Variants in RABGAP1 observed in about 807,000 individuals in gnomAD.
RABGAP1 encodes rab GTPase-activating protein 1.
In RABGAP1, 23 loss-of-function variants were observed where a neutral mutation model predicts 137.6. The observed-to-expected ratio is 0.17, with a 90% CI of 0.12 to 0.24. RABGAP1 has a LOEUF of 0.24. RABGAP1 is among the 10% of genes least tolerant of loss of function. The pLI is 1.00. For missense variants in RABGAP1, 906 were observed against 1,275.8 expected (o/e 0.71, Z 4.42); for synonymous variants, 451 against 450.7 (o/e 1.00, Z -0.01).
chr9:123,104,041 C>G lies in RABGAP1; in HGVS notation c.*828C>G, dbSNP rs1294260240. On this transcript the variant is annotated 3_prime_UTR_variant, in exon 26 of 26. Transcript: ENST00000373647. The stretch of plus-strand genomic sequence containing the variant: ...TATCTTTCCCAATATGCCCCGTTGA[C>G]AGTGTTTAAATTCCAGACTAGGACT... 2.7e-5 allele frequency: 4 copies of G among 150,758 alleles called. No individual in the cohort carries two copies. The highest frequency in any genetic ancestry group is 9.8e-5 in the African/African-American group (4 of 40,644). 9.3% of individuals were successfully genotyped at this position (150,758 alleles called of 1,614,324 possible). A position where few individuals can be genotyped will look rare whatever the true frequency, so the allele number is the denominator to read the frequency against.
In RABGAP1 at chr9:122,941,477, C is replaced by A. The variant is rs572453370; in HGVS notation, c.-50+384C>A. On this transcript the variant is annotated intron_variant, in intron 1 of 25. Coordinates refer to ENST00000373647, the MANE Select transcript of RABGAP1 (RefSeq NM_012197.4). ...GTCCTATTTGGGAATCCAGCCGCTCCCCCCCGCCTCAGTTTCTCCCCATTG... is the reference window on the plus strand; with the variant it reads ...GTCCTATTTGGGAATCCAGCCGCTCACCCCCGCCTCAGTTTCTCCCCATTG... Among the ~76,000 whole-genome samples, 31 of 152,306 alleles carry A rather than the reference C, an allele frequency of 2.0e-4. No individual in the cohort carries two copies. The East Asian group carries it at 5.4e-3, about 27-fold the overall frequency.
intron 13 of RABGAP1, chr9:123,035,040 C>G: frequency 6.2e-7 from 1 of 1,613,998 alleles, no homozygotes; most frequent in Non-Finnish European, 8.5e-7. Context: ...TATACTCGAC[C>G]CTGGTCTTCC....
At chr9:122,952,425 AT>A (rs975512830) in intron 1 of RABGAP1, among the ~76,000 whole-genome samples, 2 of 150,306 alleles carry the variant, frequency 1.3e-5, no homozygotes, top group Admixed American at 1.3e-4. Context: ...TGCCTGGCTA[AT>A]TTTTTTTTCT....
At chr9:123,037,852 A>G (rs184385415) in intron 13 of RABGAP1, among the ~76,000 whole-genome samples, 1 of 152,238 alleles carries the variant, frequency 6.6e-6, no homozygotes, top group East Asian at 1.9e-4. Flanking sequence ...TCATCCTGGC[A>G]TATTTAATGC....
intron 10 of RABGAP1, among the ~76,000 whole-genome samples, chr9:123,008,884 T>A (rs564910719): frequency 4.6e-4 from 70 of 152,338 alleles, no homozygotes; most frequent in Non-Finnish European, 4.6e-4. Context: ...TTTAGGTAAC[T>A]TTTGGGTTAT....
chr9:122,983,159 C>T (rs897731517), intron 2 of RABGAP1, among the ~76,000 whole-genome samples: 3 of 149,160 alleles, frequency 2.0e-5, no homozygotes, highest in Non-Finnish European at 3.0e-5. Flanking sequence ...TGAGCCACTG[C>T]GCCCAGCAAA....
intron 13 of RABGAP1, chr9:123,034,540 A>C (rs754598243): frequency 6.9e-7 from 1 of 1,451,926 alleles, no homozygotes; most frequent in Admixed American, 1.9e-5. Context: ...CGGCAGCATG[A>C]AGTGACAGAT....
chr9:123,085,290 A>G (rs1297575006), intron 19 of RABGAP1, among the ~76,000 whole-genome samples: 1 of 152,186 alleles, frequency 6.6e-6, no homozygotes, highest in Non-Finnish European at 1.5e-5. Flanking sequence ...AATGGTATGT[A>G]GAATGTTTTG....
intron 13 of RABGAP1, chr9:123,035,242 A>G: frequency 6.2e-7 from 1 of 1,614,216 alleles, no homozygotes; most frequent in Non-Finnish European, 8.5e-7. Context: ...AAAGGATATC[A>G]GCGAAAGGCA....
chr9:123,022,551 C>T (rs1043692019), intron 13 of RABGAP1, among the ~76,000 whole-genome samples: 2 of 151,556 alleles, frequency 1.3e-5, no homozygotes, highest in Admixed American at 6.6e-5. Flanking sequence ...GGATTACAGG[C>T]ACCTGCCACC....
intron 8 of RABGAP1, 59 bp downstream of exon 8, chr9:122,996,664 C>A (rs1837036999): frequency 1.4e-6 from 2 of 1,382,454 alleles, no homozygotes; most frequent in Admixed American, 4.0e-5. Context: ...GGTTGTTTCA[C>A]TTTTTCTCAT....
In RABGAP1 at chr9:122,986,320, A is replaced by T. The variant is rs1333472891; in HGVS notation, c.491A>T (p.Glu164Val). The change falls in exon 4 of 26, where the codon GAA becomes GTA. Residue 164 changes from glutamate to valine, a missense_variant. Coordinates refer to ENST00000373647, the MANE Select transcript of RABGAP1 (RefSeq NM_012197.4). Reference sequence around the variant, plus strand: ...GCCTCGGTAAATGCTCCCAGGAGTGAAGTGGAAGCCTTAAGGATGATGTCC... The same window carrying T: ...GCCTCGGTAAATGCTCCCAGGAGTGTAGTGGAAGCCTTAAGGATGATGTCC... ...GCASVNAPRS[E>V]VEALRMMSIL... 1.2e-6 allele frequency: 2 copies of T among 1,613,982 alleles called. No individual in the cohort carries two copies. The highest frequency in any genetic ancestry group is 1.7e-6 in the Non-Finnish European group (2 of 1,180,004).
intron 10 of RABGAP1, among the ~76,000 whole-genome samples, chr9:123,004,885 T>C (rs771936472): frequency 3.3e-5 from 5 of 151,752 alleles, no homozygotes; most frequent in East Asian, 1.9e-4. Flanking sequence ...GGCGAAACCC[T>C]GTCTCTATTA....
intron 16 of RABGAP1, among the ~76,000 whole-genome samples, 168 bp from the exon 17 acceptor site, chr9:123,074,117 T>A (rs1453863120): frequency 6.6e-6 from 1 of 152,232 alleles, no homozygotes; most frequent in Non-Finnish European, 1.5e-5. Context: ...AAAAAAGAGT[T>A]GAGTGCCAGC....
intron 2 of RABGAP1, among the ~76,000 whole-genome samples, chr9:122,973,566 A>C (rs920930200): frequency 6.6e-6 from 1 of 152,134 alleles, no homozygotes; most frequent in African/African-American, 2.4e-5. Context: ...TTTAATCCTC[A>C]TAGAGTTTTC....
chr9:122,975,417 G>T (rs17292987), intron 2 of RABGAP1, among the ~76,000 whole-genome samples: 3,790 of 152,266 alleles, frequency 0.025, 80 homozygotes, highest in Middle Eastern at 0.037. Flanking sequence ...TTGTCCTTTG[G>T]TTCCATAAAT....
chr9:123,064,590 T>A (rs916913309), intron 13 of RABGAP1, among the ~76,000 whole-genome samples: 6 of 152,236 alleles, frequency 3.9e-5, no homozygotes, highest in African/African-American at 1.4e-4. Context: ...GACACTGCAT[T>A]GTTAAAGTAG....
chr9:123,029,568 G>A (rs1270766128), intron 13 of RABGAP1: 3 of 758,828 alleles, frequency 4.0e-6, no homozygotes, highest in Non-Finnish European at 7.4e-6. Flanking sequence ...TTATAGTTGG[G>A]AACTTCCTTA....
intron 1 of RABGAP1, among the ~76,000 whole-genome samples, chr9:122,941,938 T>C (rs983463090): frequency 6.6e-6 from 1 of 152,286 alleles, no homozygotes; most frequent in African/African-American, 2.4e-5. Context: ...TAAGTGATCA[T>C]GCTGCTAGTG....
Sources: gnomAD v4.1 joint callset for allele counts (sites outside exome capture counted in the v4.1 genomes callset) on GRCh38, gnomAD v4.1.1 for gene constraint, MANE v1.5 for transcripts, NCBI Gene and HGNC (gene_info 2026-07-23, HGNC 2026-07-21) for gene names.